Variants in CDH8 observed in about 807,000 individuals in gnomAD.
CDH8 encodes the protein cadherin-8.
A neutral mutation model predicts 68.1 loss-of-function variants in CDH8; 17 were observed. The ratio of observed to expected loss-of-function variants is 0.25; its 90% CI spans 0.17 to 0.37. CDH8 has a LOEUF of 0.37. CDH8 is among the 10% of genes least tolerant of loss of function. The pLI, the probability that CDH8 is intolerant of heterozygous loss-of-function variation, is 1.00. For synonymous variants in CDH8, 372 were observed against 365.1 expected (o/e 1.02, Z -0.21); for missense variants, 763 against 999.3 (o/e 0.76, Z 3.19).
chr16:61,666,090 T>C (rs1290347652), intron 10 of CDH8, among the ~76,000 whole-genome samples: 1 of 151,954 alleles, frequency 6.6e-6, no homozygotes, highest in Non-Finnish European at 1.5e-5. Flanking sequence ...TCGTCCCTTT[T>C]TCCGGCATAT....
At position 61,653,184 on chromosome 16, in the gene CDH8, C is replaced by G; in HGVS notation, c.*424G>C. On this transcript the variant is annotated 3_prime_UTR_variant, in exon 12 of 12. Transcript: ENST00000577390. ...ATCCTTATTGGTGAAGGGGAAAAAA[C>G]CATTTGCATTCATAAAAATCCTTGC... 8.2e-7 allele frequency: 1 copy of G among 1,220,184 alleles called. No individual in the cohort carries two copies. The highest frequency in any genetic ancestry group is 4.2e-5 in the Admixed American group (1 of 23,758). 75.6% of individuals were successfully genotyped at this position (1,220,184 alleles called of 1,614,324 possible).
chr16:61,968,095 C>T (rs997054676), intron 2 of CDH8, among the ~76,000 whole-genome samples: 3 of 152,158 alleles, frequency 2.0e-5, no homozygotes, highest in Non-Finnish European at 2.9e-5. Context: ...CATAAGCAAC[C>T]GGGCTGGGCC....
At chr16:61,702,731 AAC>A (rs1487540345) in intron 10 of CDH8, among the ~76,000 whole-genome samples, 2 of 152,208 alleles carry the variant, frequency 1.3e-5, no homozygotes, top group African/African-American at 4.8e-5. Context: ...ATAAAATAAG[AAC>A]AGTCTTACTG....
chr16:61,818,044 C>CT (rs1422083150), intron 6 of CDH8: 2 of 226,938 alleles, frequency 8.8e-6, no homozygotes, highest in African/African-American at 4.6e-5. Context: ...TAAAATTTTA[C>CT]TAGTGACAGC....
At chr16:61,899,411 T>A (rs1025325686) in intron 3 of CDH8, among the ~76,000 whole-genome samples, 6 of 151,986 alleles carry the variant, frequency 3.9e-5, no homozygotes, top group African/African-American at 1.5e-4. Flanking sequence ...AGGCATATGA[T>A]TTTACGGCCA....
chr16:61,859,930 C>T (rs534989086), intron 3 of CDH8, among the ~76,000 whole-genome samples: 11 of 152,240 alleles, frequency 7.2e-5, no homozygotes, highest in East Asian at 3.9e-4. Context: ...TCACTGCAAC[C>T]GCCTCCAGGG....
intron 3 of CDH8, among the ~76,000 whole-genome samples, chr16:61,888,117 C>T (rs1414620120): frequency 6.6e-6 from 1 of 152,146 alleles, no homozygotes; most frequent in Non-Finnish European, 1.5e-5. Context: ...TCTGCAAGCT[C>T]ACCATGTTGG....
chr16:61,786,984 AC>A (rs1323386487), intron 8 of CDH8, among the ~76,000 whole-genome samples: 1 of 121,596 alleles, frequency 8.2e-6, no homozygotes, highest in African/African-American at 3.4e-5. Context: ...AACCATAAAA[AC>A]CCTAGAAGAA....
chr16:61,845,700 C>T (rs1369653824), intron 4 of CDH8, among the ~76,000 whole-genome samples: 4 of 151,954 alleles, frequency 2.6e-5, no homozygotes, highest in Non-Finnish European at 5.9e-5. Flanking sequence ...TACACATAAT[C>T]ACAAATTGTA....
At chr16:61,749,138 T>C (rs1465206296) in intron 8 of CDH8, among the ~76,000 whole-genome samples, 1 of 152,044 alleles carries the variant, frequency 6.6e-6, no homozygotes, top group Admixed American at 6.6e-5. Context: ...TATAGGTTCT[T>C]GTGGGTATCA....
chr16:61,686,099 C>G (rs147512494), intron 10 of CDH8, among the ~76,000 whole-genome samples: 1 of 151,880 alleles, frequency 6.6e-6, no homozygotes, highest in Admixed American at 6.6e-5. Flanking sequence ...TTTGCTTATA[C>G]GTAACTGAAG....
intron 8 of CDH8, among the ~76,000 whole-genome samples, chr16:61,730,271 T>C (rs561650234): frequency 7.2e-4 from 109 of 151,556 alleles, no homozygotes; most frequent in African/African-American, 2.5e-3. Flanking sequence ...ATGTCATATA[T>C]GGGACAAAGT....
Position 61,648,014 on chromosome 16 carries a change from C to T in CDH8, c.*5594G>A, listed in dbSNP as rs570221417. 1.4e-4 allele frequency: 84 copies of T among 588,606 alleles called. 1 individual carries two copies. In the East Asian group the frequency reaches 2.3e-3, roughly 16 times the overall value. The allele number at this position is 588,606 out of a possible 1,614,324, so 36.5% of individuals were successfully genotyped here. ...AAGTTGGGGAAATAGTACCCAAAGG[C>T]ACTATTTTCACCAGCAAATGCCTAC... On this transcript the variant is annotated 3_prime_UTR_variant, in exon 12 of 12. Transcript: ENST00000577390.
chr16:61,933,877 T>C (rs576236275), intron 2 of CDH8, among the ~76,000 whole-genome samples: 2 of 152,312 alleles, frequency 1.3e-5, no homozygotes, highest in East Asian at 3.9e-4. Context: ...TTTTAAGTAG[T>C]ATAGCGAGAA....
chr16:61,893,358 A>G (rs898446171), intron 3 of CDH8, among the ~76,000 whole-genome samples: 2 of 151,960 alleles, frequency 1.3e-5, no homozygotes, highest in Admixed American at 1.3e-4. Flanking sequence ...TTCTGAATGG[A>G]TATCAAGTTT....
chr16:61,962,266 C>T (rs1214164235), intron 2 of CDH8, among the ~76,000 whole-genome samples: 1 of 152,040 alleles, frequency 6.6e-6, no homozygotes, highest in African/African-American at 2.4e-5. Flanking sequence ...TTGTCAAGGG[C>T]CAGCTGTACT....
chr16:61,897,594 C>T (rs1453802728), intron 3 of CDH8, among the ~76,000 whole-genome samples: 1 of 152,130 alleles, frequency 6.6e-6, no homozygotes, highest in Non-Finnish European at 1.5e-5. Flanking sequence ...GCCTCTGACA[C>T]ACAATCAATA....
intron 2 of CDH8, among the ~76,000 whole-genome samples, chr16:61,933,761 A>T (rs984356731): frequency 6.6e-6 from 1 of 152,112 alleles, no homozygotes; most frequent in African/African-American, 2.4e-5. Flanking sequence ...GGCAAAAGAG[A>T]CAGAGCTCCA....
intron 8 of CDH8, among the ~76,000 whole-genome samples, chr16:61,728,873 TA>T (rs144606372): frequency 6.6e-6 from 1 of 150,902 alleles, no homozygotes; most frequent in Non-Finnish European, 1.5e-5. Flanking sequence ...ATTTTTTTCC[TA>T]AAAAAACTGA....
Sources: allele counts gnomAD v4.1 joint callset (sites outside exome capture counted in the v4.1 genomes callset), GRCh38; gene constraint gnomAD v4.1.1; transcripts MANE v1.5; gene names NCBI Gene and HGNC (gene_info 2026-07-23, HGNC 2026-07-21).